Variants in HTT observed in about 807,000 individuals in gnomAD.
The protein encoded by HTT is huntington disease protein.
Under a neutral mutation model 362.3 loss-of-function variants are expected in HTT, and 104 were observed. That is an observed-to-expected ratio of 0.29 (90% CI 0.24 to 0.34). HTT has a LOEUF of 0.34. Ranked by LOEUF, HTT falls within the 10% of genes least tolerant of loss-of-function variation. The pLI, the probability that HTT is intolerant of heterozygous loss-of-function variation, is 1.00. For missense variants in HTT, 3,301 were observed against 3,928.6 expected, an observed-to-expected ratio of 0.84 and a Z score of 4.27; for synonymous variants, 1,577 against 1,548.7, an observed-to-expected ratio of 1.02 and a Z score of -0.43.
At chr4:3,108,341 G>T (rs921934136) in intron 6 of HTT, among the ~76,000 whole-genome samples, 2 of 152,208 alleles carry the variant, frequency 1.3e-5, no homozygotes, top group African/African-American at 4.8e-5. Flanking sequence ...TGGGGTTTTG[G>T]AATGACGAAG....
At position 3,213,852 on chromosome 4, in the gene HTT, C is replaced by T. The variant is rs897486456; in HGVS notation, c.6775-106C>T. On this transcript the variant is annotated intron_variant, in intron 49 of 66. Transcript: ENST00000355072. ...TTCTGGAAGGGCAAGGGCACCTGGA[C>T]GCGCTGCCCCTCAGTGCTTTGGACG... The T allele has an allele frequency of 4.4e-5, 44 of 998,310 alleles. 1 individual carries two copies. The highest frequency in any genetic ancestry group is 3.7e-4 in the African/African-American group (22 of 60,166). 61.8% of individuals were successfully genotyped at this position (998,310 alleles called of 1,614,324 possible).
intron 9 of HTT, 124 bp from the exon 10 acceptor site, chr4:3,122,765 T>G: frequency 1.4e-6 from 1 of 693,238 alleles, no homozygotes; most frequent in Admixed American, 2.6e-5. Flanking sequence ...GTTAAGTGTT[T>G]CCTGTGGAAA....
intron 57 of HTT, among the ~76,000 whole-genome samples, chr4:3,226,508 C>T (rs1241356748): frequency 6.6e-6 from 1 of 152,214 alleles, no homozygotes; most frequent in African/African-American, 2.4e-5. Flanking sequence ...GGGCCATTTG[C>T]ATATGATGGC....
At chr4:3,233,103 A>T (rs543851095) in intron 60 of HTT, 60 bp from the exon 61 acceptor site, 1 of 1,427,898 alleles carries the variant, frequency 7.0e-7, no homozygotes, top group African/African-American at 1.4e-5. Context: ...GGCTGTGGGG[A>T]GGAGCCACTG....
At chr4:3,147,492 A>G (rs1309754489) in intron 25 of HTT, among the ~76,000 whole-genome samples, 1 of 152,174 alleles carries the variant, frequency 6.6e-6, no homozygotes, top group Non-Finnish European at 1.5e-5. Flanking sequence ...GAAGTTGCCA[A>G]TCTCCATGAA....
intron 40 of HTT, among the ~76,000 whole-genome samples, chr4:3,191,763 T>C (rs1461891484): frequency 6.6e-6 from 1 of 152,148 alleles, no homozygotes; most frequent in Non-Finnish European, 1.5e-5. Flanking sequence ...TTCAGATTGT[T>C]AGGAGGTAGT....
At chr4:3,183,902 G>A (rs770353715) in intron 37 of HTT, among the ~76,000 whole-genome samples, 1 of 152,202 alleles carries the variant, frequency 6.6e-6, no homozygotes, top group Non-Finnish European at 1.5e-5. Context: ...CAGAAGTAGT[G>A]CTAGATACTA....
intron 8 of HTT, among the ~76,000 whole-genome samples, chr4:3,117,954 G>A (rs1187512094): frequency 6.6e-6 from 1 of 152,116 alleles, no homozygotes; most frequent in Non-Finnish European, 1.5e-5. Context: ...TACTCTTTTG[G>A]AATCAGCATC....
rs1716413237 is a variant in HTT, at chr4:3,142,812, A to G, written c.2992A>G (p.Met998Val). 1.3e-6 allele frequency: 2 copies of G among 1,592,940 alleles called. No individual in the cohort carries two copies. Among genetic ancestry groups the G allele is most frequent in the African/African-American group, 1.3e-5 (1 of 74,572 alleles). ...NLLPSITDVT[M>V]ENNLSRVIAA... ...ACTACCAAGCATAACAGACGTCACT[A>G]TGGAAAATAACCTTTCAAGAGTTAT... is the stretch of plus-strand genomic sequence containing the variant. Residue 998 changes from methionine to valine, a missense_variant, in exon 23 of 67, where the codon ATG becomes GTG. Transcript: ENST00000355072.
chr4:3,180,526 C>T lies in HTT; in HGVS notation c.4624C>T (p.Leu1542=). ...TTTTGTCCCCACAGCCATACCGGCT[C>T]TGCAGCCCATAGTCCACGACCTCTT... ...RKAVTHAIPA[L]QPIVHDLFVL... Residue 1542 remains leucine, a synonymous_variant, in exon 36 of 67, where the codon CTG becomes TTG. Coordinates refer to ENST00000355072, the MANE Select transcript of HTT (RefSeq NM_001388492.1). 6.2e-7 allele frequency: 1 copy of T among 1,605,658 alleles called. No homozygotes were observed.
chr4:3,085,265 G>A (rs959498606), intron 1 of HTT, among the ~76,000 whole-genome samples: 3 of 151,892 alleles, frequency 2.0e-5, no homozygotes, highest in African/African-American at 7.3e-5. Context: ...AGCCTCCCGA[G>A]TAGCTGGGAT....
In HTT at chr4:3,213,984, G is replaced by A. The variant is rs768696167; in HGVS notation, c.6801G>A (p.Glu2267=). Residue 2267 remains glutamate (E), a synonymous_variant, in exon 50 of 67, where the codon GAG becomes GAA. Transcript: ENST00000355072. ...CCCTGTCCTGGCATTTGATCCATGA[G>A]CAGATCCCGCTGAGTCTGGATCTCC... ...LEALSWHLIH[E]QIPLSLDLQA... The A allele has an allele frequency of 1.3e-6, 2 of 1,588,542 alleles. No homozygotes were observed. The highest frequency in any genetic ancestry group is 8.6e-7 in the Non-Finnish European group (1 of 1,164,264).
At chr4:3,131,822 G>A (rs1284890926) in intron 16 of HTT, 47 bp downstream of exon 16, 4 of 1,561,746 alleles carry the variant, frequency 2.6e-6, no homozygotes, top group South Asian at 2.3e-5. Flanking sequence ...AATCATTATT[G>A]TAAAAACTAT....
At chr4:3,092,261 A>G (rs1713550759) in intron 2 of HTT, among the ~76,000 whole-genome samples, 1 of 152,112 alleles carries the variant, frequency 6.6e-6, no homozygotes, top group Non-Finnish European at 1.5e-5. Context: ...TGACCTCATG[A>G]TCCGCGCCCC....
At chr4:3,075,169 G>A in intron 1 of HTT, 81 bp downstream of exon 1, 1 of 1,163,196 alleles carries the variant, frequency 8.6e-7, no homozygotes, top group African/African-American at 1.6e-5. Flanking sequence ...GCAGCCTGCG[G>A]GCCGGCGACA....
chr4:3,184,457 G>A (rs1718667147), intron 37 of HTT, among the ~76,000 whole-genome samples: 1 of 152,102 alleles, frequency 6.6e-6, no homozygotes, highest in South Asian at 2.1e-4. Flanking sequence ...TGAGGGGGAG[G>A]TGAGGGCAGA....
intron 35 of HTT, among the ~76,000 whole-genome samples, chr4:3,178,741 T>G (rs1718361397): frequency 6.6e-6 from 1 of 152,246 alleles, no homozygotes; most frequent in South Asian, 2.1e-4. Context: ...CATGAAACGC[T>G]AAAAGTTCTT....
chr4:3,202,281 G>A (rs894097949), intron 41 of HTT, among the ~76,000 whole-genome samples: 1 of 152,124 alleles, frequency 6.6e-6, no homozygotes, highest in Non-Finnish European at 1.5e-5. Flanking sequence ...TGAGATTTGG[G>A]GGGGCTTGTG....
chr4:3,228,225 G>A lies in HTT; in HGVS notation c.7849-390G>A, dbSNP rs1255502644. Among the ~76,000 whole-genome samples the A allele has an allele frequency of 1.3e-5, 2 of 152,228 alleles. No individual in the cohort carries two copies. Among genetic ancestry groups the A allele is most frequent in the African/African-American group, 4.8e-5 (2 of 41,452 alleles). On this transcript the variant is annotated intron_variant, in intron 57 of 66. Coordinates refer to ENST00000355072, the MANE Select transcript of HTT (RefSeq NM_001388492.1). This position sits in a 1 kb window ranked among gnomAD's most constrained non-coding sequence, Gnocchi z 4.3. ...AGGCGCGAGGGAGCTCTGGCCTTGG[G>A]TTTACCGCAATGACTGCCAGTGCGG...
Sources: gnomAD v4.1 joint callset for allele counts (sites outside exome capture counted in the v4.1 genomes callset) on GRCh38, gnomAD v4.1.1 for gene constraint, Gnocchi (gnomAD v3.1) non-coding constraint, MANE v1.5 for transcripts, NCBI Gene and HGNC (gene_info 2026-07-23, HGNC 2026-07-21) for gene names.